TENM3: variants seen among roughly 807,000 people sequenced by gnomAD.
TENM3 encodes the protein teneurin transmembrane protein 3.
Under a neutral mutation model 255.1 loss-of-function variants are expected in TENM3, and 63 were observed. The observed-to-expected ratio is 0.25, with a 90% confidence interval of 0.20 to 0.30. The LOEUF is 0.30. Among genes scored for constraint, TENM3 ranks in the 10% least tolerant of loss-of-function variants. The probability of loss-of-function intolerance (pLI) is 1.00; values close to 1 mark genes in which losing one functional copy is unlikely to be tolerated. For synonymous variants in TENM3, 1,306 were observed against 1,322.3 expected, an observed-to-expected ratio of 0.99 and a Z score of 0.27; for missense variants, 2,929 against 3,461.1, an observed-to-expected ratio of 0.85 and a Z score of 3.86.
chr4:182,104,887 AG>A, the TENM3 span, among the ~76,000 whole-genome samples: 12 of 152,090 alleles, frequency 7.9e-5, no homozygotes, highest in African/African-American at 2.4e-4. Flanking sequence ...CATTGAAAAC[AG>A]TGGGATTCAG....
chr4:181,720,986 A>G, the TENM3 span, among the ~76,000 whole-genome samples: 1 of 152,146 alleles, frequency 6.6e-6, no homozygotes, highest in African/African-American at 2.4e-5. Flanking sequence ...AGGGCCTGCC[A>G]GAAGCACATA....
chr4:181,465,650 G>C, the TENM3 span, among the ~76,000 whole-genome samples: 1 of 152,098 alleles, frequency 6.6e-6, no homozygotes, highest in African/African-American at 2.4e-5. Context: ...ATTTTTGTAG[G>C]CATATATAGC....
the TENM3 span, among the ~76,000 whole-genome samples, chr4:182,046,023 G>T: frequency 6.6e-6 from 1 of 152,266 alleles, no homozygotes; most frequent in Non-Finnish European, 1.5e-5. Context: ...CAGGAGAGGA[G>T]CAAAGCAAGA....
At chr4:182,335,434 G>T (rs1270754218) in intron 2 of TENM3, among the ~76,000 whole-genome samples, 1 of 130,954 alleles carries the variant, frequency 7.6e-6, no homozygotes, top group East Asian at 2.9e-4. Context: ...GGCGGAGCTT[G>T]CAGTGAGCCG....
At chr4:181,632,926 G>A in the TENM3 span, among the ~76,000 whole-genome samples, 301 of 152,258 alleles carry the variant, frequency 2.0e-3, 1 homozygote, top group African/African-American at 6.8e-3. Context: ...AATAAGTGTC[G>A]TCTTGGGTTT....
intron 12 of TENM3, among the ~76,000 whole-genome samples, chr4:182,708,308 G>T (rs1758448032): frequency 6.6e-6 from 1 of 152,080 alleles, no homozygotes; most frequent in Non-Finnish European, 1.5e-5. Flanking sequence ...TTCTGAACCT[G>T]GTCAGAGCTA....
chr4:182,518,685 A>G (rs1738252276), intron 3 of TENM3, among the ~76,000 whole-genome samples: 1 of 152,172 alleles, frequency 6.6e-6, no homozygotes, highest in South Asian at 2.1e-4. Flanking sequence ...AGCTCAGCTG[A>G]CACCTTGATT....
chr4:182,177,331 A>G (rs1752559565), intron 1 of TENM3, among the ~76,000 whole-genome samples: 1 of 152,114 alleles, frequency 6.6e-6, no homozygotes, highest in Non-Finnish European at 1.5e-5. Flanking sequence ...TCTCAATCTA[A>G]AAAATATCTT....
At chr4:182,206,061 AAAAG>A (rs1387874636) in intron 1 of TENM3, among the ~76,000 whole-genome samples, 2 of 152,082 alleles carry the variant, frequency 1.3e-5, no homozygotes, top group East Asian at 3.9e-4. Flanking sequence ...TTAAAAAAAA[AAAAG>A]AAAGAAATCA....
chr4:182,408,225 CA>C (rs1561415799), intron 3 of TENM3, among the ~76,000 whole-genome samples: 1 of 152,146 alleles, frequency 6.6e-6, no homozygotes, highest in African/African-American at 2.4e-5. Context: ...ACATAAATAT[CA>C]ACTTAGTTGT....
At chr4:181,488,937 G>A in the TENM3 span, among the ~76,000 whole-genome samples, 1 of 152,144 alleles carries the variant, frequency 6.6e-6, no homozygotes, top group Non-Finnish European at 1.5e-5. Flanking sequence ...ATACTGGGCA[G>A]AAATCAACCA....
intron 1 of TENM3, among the ~76,000 whole-genome samples, chr4:182,163,065 C>T (rs1004559583): frequency 1.3e-4 from 20 of 152,280 alleles, no homozygotes; most frequent in South Asian, 1.0e-3. Context: ...ATCTTCAAGA[C>T]GGCTCCATCC....
chr4:181,669,722 T>C, the TENM3 span, among the ~76,000 whole-genome samples: 2 of 152,150 alleles, frequency 1.3e-5, 1 homozygote, highest in African/African-American at 4.8e-5. Context: ...GATGTCTATC[T>C]AGTCCTGACA....
At chr4:181,709,824 T>G in the TENM3 span, among the ~76,000 whole-genome samples, 1 of 152,176 alleles carries the variant, frequency 6.6e-6, no homozygotes, top group Non-Finnish European at 1.5e-5. Context: ...TTCAGAAGAT[T>G]TTTTTGATGG....
At chr4:182,409,739 G>A (rs182501090) in intron 3 of TENM3, among the ~76,000 whole-genome samples, 43 of 152,204 alleles carry the variant, frequency 2.8e-4, no homozygotes, top group Admixed American at 2.8e-3. Flanking sequence ...GCAATTAATA[G>A]ACATTTTCTT....
chr4:182,093,828 G>A, the TENM3 span, among the ~76,000 whole-genome samples: 1 of 151,992 alleles, frequency 6.6e-6, no homozygotes, highest in Admixed American at 6.6e-5. Flanking sequence ...ACAATGTCAG[G>A]GGCCCACGGT....
the TENM3 span, among the ~76,000 whole-genome samples, chr4:181,699,470 AAAGAAAGAAAG>A: frequency 9.8e-4 from 140 of 143,564 alleles, no homozygotes; most frequent in African/African-American, 3.6e-3. Context: ...AAAAAAAAAA[AAAGAAAGAAAG>A]AAAAAGAAAA....
chr4:181,553,307 T>C, the TENM3 span, among the ~76,000 whole-genome samples: 7 of 125,062 alleles, frequency 5.6e-5, no homozygotes, highest in South Asian at 5.0e-4. Flanking sequence ...GTAGTGTGTG[T>C]GTATGTGTAT....
chr4:182,353,693 C>T (rs770477599), intron 3 of TENM3, among the ~76,000 whole-genome samples: 7 of 152,118 alleles, frequency 4.6e-5, no homozygotes, highest in Non-Finnish European at 2.9e-5. Flanking sequence ...ACTGGCTGGG[C>T]GTGGTGGCTC....
Sources: gnomAD v4.1 joint callset for allele counts (sites outside exome capture counted in the v4.1 genomes callset) on GRCh38, gnomAD v4.1.1 for gene constraint, MANE v1.5 for transcripts, NCBI Gene and HGNC (gene_info 2026-07-23, HGNC 2026-07-21) for gene names.